CHRNE: variants seen among roughly 807,000 people sequenced by gnomAD.
CHRNE encodes the protein cholinergic receptor nicotinic epsilon subunit.
Under a neutral mutation model 56.5 loss-of-function variants are expected in CHRNE, and 58 were observed. The ratio of observed to expected loss-of-function variants is 1.03; its 90% confidence interval spans 0.83 to 1.28. The LOEUF (loss-of-function observed/expected upper bound fraction) is 1.28, where lower values mean the gene tolerates loss of function less well. Among genes scored for constraint, CHRNE ranks in the 50% most tolerant of loss-of-function variants. The pLI, the probability that CHRNE is intolerant of heterozygous loss-of-function variation, is 0.00. For synonymous variants in CHRNE, 385 were observed against 297.9 expected (o/e 1.29, Z -3.01); for missense variants, 793 against 688.9 (o/e 1.15, Z -1.69).
At position 4,898,434 on chromosome 17, in the gene CHRNE, CAG is replaced by C; in HGVS notation, c.*300_*301del. 1 of 482,132 alleles carries C rather than the reference CAG, an allele frequency of 2.1e-6. No individual in the cohort carries two copies. Among genetic ancestry groups the C allele is most frequent in the East Asian group, 3.9e-5 (1 of 25,468 alleles). The allele number at this position is 482,132 out of a possible 1,614,324, so 29.9% of individuals were successfully genotyped here. On this transcript the variant is annotated 3_prime_UTR_variant, in exon 12 of 12. Coordinates refer to ENST00000649488, the MANE Select transcript of CHRNE (RefSeq NM_000080.4). ...AGATAGCTCACAAGCTGGCAGCCAC[CAG>C]AGTCCCGTGGGGCTGAGCCTTAGAA...
chr17:4,906,449 G>A (rs975861119), upstream of CHRNE, among the ~76,000 whole-genome samples: 1 of 152,070 alleles, frequency 6.6e-6, no homozygotes, highest in Non-Finnish European at 1.5e-5. Context: ...TCCCCAGCAG[G>A]ATTCAAACTT....
chr17:4,899,340 C>A lies in CHRNE; in HGVS notation c.1077G>T (p.Pro359=), dbSNP rs907495464. The change falls in exon 10 of 12, where the codon CCG becomes CCT. Residue 359 remains proline, a synonymous_variant. Transcript: ENST00000649488. ...LLPRLLGSPP[P]PEAPRAASPP... is the part of the protein sequence containing the mutation. ...GCGAGGCGGCCCGGGGGGCCTCGGGCGGCGGCGGGGAGCCCAGGAGGCGCG... is the reference window on the plus strand; with the variant it reads ...GCGAGGCGGCCCGGGGGGCCTCGGGAGGCGGCGGGGAGCCCAGGAGGCGCG... 23 of 1,547,196 alleles carry A rather than the reference C, an allele frequency of 1.5e-5. No homozygotes were observed. Among genetic ancestry groups the A allele is most frequent in the Non-Finnish European group, 1.8e-5 (21 of 1,152,918 alleles).
chr17:4,899,631 G>A (rs938820379), intron 8 of CHRNE, 49 bp from the exon 9 acceptor site: 218 of 1,487,270 alleles, frequency 1.5e-4, no homozygotes, highest in Non-Finnish European at 1.9e-4. Flanking sequence ...CCCAGCTACC[G>A]AAGGCGCCGC....
upstream of CHRNE, among the ~76,000 whole-genome samples, chr17:4,907,590 A>AAAT (rs386627263): frequency 1.5e-4 from 19 of 125,016 alleles, 1 homozygote; most frequent in Admixed American, 1.6e-4. Flanking sequence ...AAAAAAAAAA[A>AAAT]CACTCTCAGC....
chr17:4,901,104 C>G lies in CHRNE; in HGVS notation c.688G>C (p.Val230Leu). 1.2e-6 allele frequency: 2 copies of G among 1,613,554 alleles called. No homozygotes were observed. Among genetic ancestry groups the G allele is most frequent in the Non-Finnish European group, 1.7e-6 (2 of 1,179,966 alleles). The change falls in exon 7 of 12, where the codon GTC (valine) becomes CTC (leucine). Residue 230 changes from valine (V) to leucine (L), a missense_variant. Coordinates refer to ENST00000649488, the MANE Select transcript of CHRNE (RefSeq NM_000080.4). ...CGGCGGATGATGAGCGAGTAGATGACGTCAGTCTCCCCTGGGCCGTCGGTG... is the reference window on the plus strand; with the variant it reads ...CGGCGGATGATGAGCGAGTAGATGAGGTCAGTCTCCCCTGGGCCGTCGGTG... ...GATDGPGETD[V>L]IYSLIIRRKP...
Position 4,902,613 on chromosome 17 carries a change from T to TA in CHRNE, c.189+7dup. ...TTTTGGCTTAAGATGAGGGTGGGGGTAGCTTACCAGTGAGATGAGATTCGT... is the reference window on the plus strand; with the variant it reads ...TTTTGGCTTAAGATGAGGGTGGGGGTAAGCTTACCAGTGAGATGAGATTCGT... On this transcript the variant is annotated splice_region_variant and intron_variant, in intron 2 of 11. Coordinates refer to ENST00000649488, the MANE Select transcript of CHRNE (RefSeq NM_000080.4). The surrounding 1 kb of genome is among the most constrained non-coding windows in gnomAD (Gnocchi z 4.0). 1 of 1,613,622 alleles carries TA rather than the reference T, an allele frequency of 6.2e-7. No homozygotes were observed. Among genetic ancestry groups the TA allele is most frequent in the Non-Finnish European group, 8.5e-7 (1 of 1,179,894 alleles).
chr17:4,898,382 C>CTGTT lies in CHRNE; in HGVS notation c.*350_*353dup, dbSNP rs1969795085. 2.8e-6 allele frequency: 1 copy of CTGTT among 356,444 alleles called. No homozygotes were observed. 22.1% of individuals were successfully genotyped at this position (356,444 alleles called of 1,614,324 possible). On this transcript the variant is annotated 3_prime_UTR_variant, in exon 12 of 12. Transcript: ENST00000649488. ...TGTGCAAGTCCTGCAAAGGGGTCTC[C>CTGTT]TGTTTGGCTATGAAATGAATATAGA... is the stretch of plus-strand genomic sequence containing the variant.
chr17:4,898,738 A>G lies in CHRNE; in HGVS notation c.1480T>C (p.Ter494GlnextTer15), dbSNP rs972956416. The change falls in exon 12 of 12, where the codon TAG becomes CAG. Residue 494 changes from the stop codon to glutamine, a stop_lost. Coordinates refer to ENST00000649488, the MANE Select transcript of CHRNE (RefSeq NM_000080.4). ...TGGGAAATTGAAGTCGGTGCGAGCT[A>G]AGGCTGGATACACGGCGCGTAGGGG... is the stretch of plus-strand genomic sequence containing the variant. ...DLPYAPCIQP[*>Q] 1 of 1,610,112 alleles carries G rather than the reference A, an allele frequency of 6.2e-7. No individual in the cohort carries two copies. The highest frequency in any genetic ancestry group is 1.7e-5 in the Admixed American group (1 of 59,394).
rs757760505 is a variant in CHRNE at position 4,898,981 on chromosome 17, G to T, written c.1326+20C>A. ...GGTGGGCCTCTGCCTCGCTCCACCCGCCTCTGGCTCCTGTCCCACCTCGCC... is the reference window on the plus strand; with the variant it reads ...GGTGGGCCTCTGCCTCGCTCCACCCTCCTCTGGCTCCTGTCCCACCTCGCC... On this transcript the variant is annotated intron_variant, in intron 11 of 11. Coordinates refer to ENST00000649488, the MANE Select transcript of CHRNE (RefSeq NM_000080.4). 3 of 1,500,684 alleles carry T rather than the reference G, an allele frequency of 2.0e-6. No individual in the cohort carries two copies. The highest frequency in any genetic ancestry group is 2.0e-5 in the Admixed American group (1 of 48,924). 93.0% of individuals were successfully genotyped at this position (1,500,684 alleles called of 1,614,324 possible).
rs1969810133 is a variant in CHRNE at position 4,898,650 on chromosome 17, G to T, written c.*86C>A. ...CTGCAGATTGATCAGCAGGGGGAAG[G>T]GATCATAATGCCGTGGTGGCGGCAG... On this transcript the variant is annotated 3_prime_UTR_variant, in exon 12 of 12. Coordinates refer to ENST00000649488, the MANE Select transcript of CHRNE (RefSeq NM_000080.4). 1 of 1,496,816 alleles carries T rather than the reference G, an allele frequency of 6.7e-7. No homozygotes were observed. The highest frequency in any genetic ancestry group is 1.4e-5 in the African/African-American group (1 of 72,542). The allele number at this position is 1,496,816 out of a possible 1,614,324, so 92.7% of individuals were successfully genotyped here. A position where few individuals can be genotyped will look rare whatever the true frequency, so the allele number is the denominator to read the frequency against.
At position 4,902,300 on chromosome 17, in the gene CHRNE, G is replaced by A. The variant is rs1423670662; in HGVS notation, c.261C>T (p.Tyr87=). ...GIDWQDYRLN[Y]SKDDFGGIET... ...CTATACCCCCAAAGTCGTCCTTGCT[G>A]TAGTTGAGTCGGTAATCCTGCCAAT... The change falls in exon 4 of 12, where the codon TAC becomes TAT. Residue 87 remains tyrosine (Y), a synonymous_variant. Transcript: ENST00000649488. This position sits in a 1 kb window ranked among gnomAD's most constrained non-coding sequence, Gnocchi z 4.0. 1 of 1,614,098 alleles carries A rather than the reference G, an allele frequency of 6.2e-7. No individual in the cohort carries two copies. The highest frequency in any genetic ancestry group is 1.3e-5 in the African/African-American group (1 of 74,936).
At chr17:4,899,685 A>ACGCCCTCCAGCTG (rs1201859874) in intron 8 of CHRNE, 103 bp from the exon 9 acceptor site, 2 of 1,449,922 alleles carry the variant, frequency 1.4e-6, no homozygotes, top group Non-Finnish European at 1.9e-6. Flanking sequence ...CGGGCTGGTT[A>ACGCCCTCCAGCTG]CGCCCTCCAG....
intron 8 of CHRNE, chr17:4,899,810 CT>C (rs1179113696): frequency 6.4e-7 from 1 of 1,551,114 alleles, no homozygotes; most frequent in Admixed American, 2.0e-5. Flanking sequence ...GGATCTACCA[CT>C]TCCACAGCTC....
At chr17:4,904,365 A>G (rs566749240), upstream of CHRNE, among the ~76,000 whole-genome samples, 27 of 152,160 alleles carry the variant, frequency 1.8e-4, 1 homozygote, top group East Asian at 3.3e-3. Context: ...GCCCGGCCTC[A>G]GTGTTTTTTA....
chr17:4,902,110 C>T lies in CHRNE; in HGVS notation c.345-23G>A. On this transcript the variant is annotated intron_variant, in intron 4 of 11. Transcript: ENST00000649488. This position sits in a 1 kb window ranked among gnomAD's most constrained non-coding sequence, Gnocchi z 4.0. Reference sequence around the variant, plus strand: ...ATACTGTGGGCTCGGGGAAACCGAGCTTTTTGCACAGGTCTGCACCCTCTC... The same window carrying T: ...ATACTGTGGGCTCGGGGAAACCGAGTTTTTTGCACAGGTCTGCACCCTCTC... 1 of 1,613,862 alleles carries T rather than the reference C, an allele frequency of 6.2e-7. No individual in the cohort carries two copies. The highest frequency in any genetic ancestry group is 8.5e-7 in the Non-Finnish European group (1 of 1,179,962).
At chr17:4,904,219 C>A (rs1250752984), upstream of CHRNE, among the ~76,000 whole-genome samples, 1 of 151,540 alleles carries the variant, frequency 6.6e-6, no homozygotes. Flanking sequence ...GGTGGGGGGA[C>A]AGGATCTCAC....
intron 5 of CHRNE, 41 bp downstream of exon 5, chr17:4,901,891 C>CCCCCCCG (rs367599263): frequency 6.2e-7 from 1 of 1,606,300 alleles, no homozygotes; most frequent in African/African-American, 1.3e-5. Flanking sequence ...AAGGCCCCCC[C>CCCCCCCG]CCAACAATAA....
rs770380033 is a variant in CHRNE at position 4,899,505 on chromosome 17, G to A, written c.995C>T (p.Thr332Met). Reference protein sequence around the residue: ...CVIVLNVSQRTPTTHAMSPRL... With the variant: ...CVIVLNVSQRMPTTHAMSPRL... The stretch of plus-strand genomic sequence containing the variant: ...CGGGGACATGGCGTGGGTGGTGGGC[G>A]TCCGCTGGGACACGTTGAGCACGAT... The change falls in exon 9 of 12, where the codon ACG (threonine) becomes ATG (methionine). Residue 332 changes from threonine (T) to methionine (M), a missense_variant. Physicochemically the swap from Thr to Met is moderately conservative, Grantham distance 81 (BLOSUM62 -1). Coordinates refer to ENST00000649488, the MANE Select transcript of CHRNE (RefSeq NM_000080.4). 5.0e-6 allele frequency: 8 copies of A among 1,602,948 alleles called. No individual in the cohort carries two copies. Among genetic ancestry groups the A allele is most frequent in the Non-Finnish European group, 6.8e-6 (8 of 1,176,046 alleles).
intron 8 of CHRNE, chr17:4,900,091 GGTGTTGAGAGAAGCCACAGCCAGCCTC>G: frequency 6.4e-7 from 1 of 1,550,900 alleles, no homozygotes; most frequent in African/African-American, 1.4e-5. Context: ...CCCTGGGGCT[GGTGTTGAGAGAAGCCACAGCCAGCCTC>G]GTGAGCTTCG....
Sources: allele counts gnomAD v4.1 joint callset (sites outside exome capture counted in the v4.1 genomes callset), GRCh38; gene constraint gnomAD v4.1.1; non-coding constraint Gnocchi (gnomAD v3.1); transcripts MANE v1.5; gene names NCBI Gene and HGNC (gene_info 2026-07-23, HGNC 2026-07-21).